The following TECPR1 variants were observed in gnomAD, a reference collection of about 807,000 sequenced individuals.
The protein encoded by TECPR1 is tectonin beta-propeller repeat containing 1, also known as tectonin beta-propeller repeat-containing protein 1.
TECPR1 carries 122 observed loss-of-function variants against 162.4 expected under a neutral mutation model. The ratio of observed to expected loss-of-function variants is 0.75; its 90% confidence interval spans 0.65 to 0.87. The LOEUF (loss-of-function observed/expected upper bound fraction) is 0.87, where lower values mean the gene tolerates loss of function less well. Among genes scored for constraint, TECPR1 ranks in the 40% least tolerant of loss-of-function variants. The pLI, the probability that TECPR1 is intolerant of heterozygous loss-of-function variation, is 0.00. For synonymous variants in TECPR1, 642 were observed against 670.6 expected (o/e 0.96, Z 0.66); for missense variants, 1,432 against 1,618.2 (o/e 0.88, Z 1.97).
Position 98,241,305 on chromosome 7 carries a change from G to A in TECPR1, c.658-61C>T, listed in dbSNP as rs1306658507. On this transcript the variant is annotated intron_variant, in intron 6 of 25. Transcript: ENST00000447648. This position sits in a 1 kb window ranked among gnomAD's most constrained non-coding sequence, Gnocchi z 5.0. ...ACTCATTCACACCAGCCAAGCACGG[G>A]GGTCTCGGTGTGGTAGGGGGTAGGA... 1 of 1,592,104 alleles carries A rather than the reference G, an allele frequency of 6.3e-7. No individual in the cohort carries two copies. Among genetic ancestry groups the A allele is most frequent in the South Asian group, 1.1e-5 (1 of 89,080 alleles).
intron 19 of TECPR1, among the ~76,000 whole-genome samples, chr7:98,224,046 G>A (rs1798214246): frequency 6.6e-6 from 1 of 152,248 alleles, no homozygotes; most frequent in Admixed American, 6.5e-5. Flanking sequence ...TCAGGGGTCA[G>A]GCTAAGGGGA....
chr7:98,238,020 C>T (rs1798644252), intron 9 of TECPR1, among the ~76,000 whole-genome samples: 1 of 152,106 alleles, frequency 6.6e-6, no homozygotes, highest in Admixed American at 6.5e-5. Flanking sequence ...GGTCCTCCCA[C>T]CTTAGCCTCC....
intron 8 of TECPR1, among the ~76,000 whole-genome samples, chr7:98,238,897 T>C (rs1367454329): frequency 1.3e-5 from 2 of 152,212 alleles, no homozygotes; most frequent in African/African-American, 4.8e-5. Context: ...AGCCTAACGC[T>C]TGGAAAAGGC....
At position 98,215,751 on chromosome 7, in the gene TECPR1, G is replaced by C. The variant is rs995908739; in HGVS notation, c.*1639C>G. ...AAAACCTGATAGTGAAATGTAAACA[G>C]ACAGGACAGGGTGGTTCCAGGTGGC... On this transcript the variant is annotated 3_prime_UTR_variant, in exon 26 of 26. Transcript: ENST00000447648. 8 of 152,260 alleles carry C rather than the reference G, an allele frequency of 5.3e-5. No individual in the cohort carries two copies. Among genetic ancestry groups the C allele is most frequent in the African/African-American group, 1.9e-4 (8 of 41,446 alleles). 9.4% of individuals were successfully genotyped at this position (152,260 alleles called of 1,614,324 possible).
In TECPR1 at chr7:98,223,548, G is replaced by C; in HGVS notation, c.2747+114C>G. ...CTACTCCCCACTGCTTCTTCCCTTG[G>C]GACTGAGGTCAGAGGCCAGGAGATC... is the stretch of plus-strand genomic sequence containing the variant. On this transcript the variant is annotated intron_variant, in intron 20 of 25. Coordinates refer to ENST00000447648, the MANE Select transcript of TECPR1 (RefSeq NM_015395.3). The C allele has an allele frequency of 4.5e-6, 5 of 1,119,192 alleles. No homozygotes were observed. The South Asian group carries it at 7.0e-5, about 16-fold the overall frequency. 69.3% of individuals were successfully genotyped at this position (1,119,192 alleles called of 1,614,324 possible). A position where few individuals can be genotyped will look rare whatever the true frequency, so the allele number is the denominator to read the frequency against.
In TECPR1 at chr7:98,232,920, G is replaced by T. The variant is rs764522984; in HGVS notation, c.1725C>A (p.Thr575=). 1 of 1,612,812 alleles carries T rather than the reference G, an allele frequency of 6.2e-7. No homozygotes were observed. The highest frequency in any genetic ancestry group is 8.5e-7 in the Non-Finnish European group (1 of 1,179,800). The change falls in exon 12 of 26, where the codon ACC becomes ACA. Residue 575 remains threonine (T), a synonymous_variant. Coordinates refer to ENST00000447648, the MANE Select transcript of TECPR1 (RefSeq NM_015395.3). The surrounding 1 kb of genome is among the most constrained non-coding windows in gnomAD (Gnocchi z 4.6). ...MLSLSITPAQ[T]AAWRKQIFQQ... is the part of the protein sequence containing the mutation. Reference sequence around the variant, plus strand: ...GGAAGATCTGCTTCCTCCAGGCAGCGGTCTGGGCCGGCGTGATGGACAGGG... The same window carrying T: ...GGAAGATCTGCTTCCTCCAGGCAGCTGTCTGGGCCGGCGTGATGGACAGGG...
At chr7:98,237,934 G>A (rs1006954613) in intron 9 of TECPR1, among the ~76,000 whole-genome samples, 10 of 152,018 alleles carry the variant, frequency 6.6e-5, no homozygotes, top group South Asian at 6.2e-4. Flanking sequence ...CACCACACTT[G>A]GCTAATTTTT....
intron 21 of TECPR1, 172 bp from the exon 22 acceptor site, chr7:98,222,693 C>T (rs934201624): frequency 8.6e-5 from 77 of 896,966 alleles, no homozygotes; most frequent in African/African-American, 4.7e-4. Context: ...AAATCCTGGG[C>T]GCATCTCATC....
chr7:98,238,571 CG>C lies in TECPR1; in HGVS notation c.972del (p.Cys324TrpfsTer12). On this transcript the variant is annotated frameshift_variant, in exon 9 of 26. Coordinates refer to ENST00000447648, the MANE Select transcript of TECPR1 (RefSeq NM_015395.3). LOFTEE classifies it high-confidence loss of function. ...FRRGVNSHNPCGTSWIEMVGE... is the reference protein window; with the variant it reads ...FRRGVNSHNPXGTSWIEMVGE... ...CCAACCATCTCAATCCAACTGGTGC[CG>C]CAGGGATTGTGAGAGTTGACGCCTC... The C allele has an allele frequency of 1.3e-6, 2 of 1,574,438 alleles. No homozygotes were observed. Among genetic ancestry groups the C allele is most frequent in the Admixed American group, 1.9e-5 (1 of 53,962 alleles).
At chr7:98,226,488 G>A in intron 17 of TECPR1, 1 of 1,020,950 alleles carries the variant, frequency 9.8e-7, no homozygotes, top group Non-Finnish European at 1.2e-6. Flanking sequence ...GCCTGGCCTT[G>A]TCTGCCCCCA....
chr7:98,219,823 C>T (rs934479861), intron 23 of TECPR1, among the ~76,000 whole-genome samples: 1 of 151,870 alleles, frequency 6.6e-6, no homozygotes, highest in Non-Finnish European at 1.5e-5. Context: ...ATCGCTTGAA[C>T]CTGGGAGGCA....
chr7:98,233,148 C>A (rs1189726091), intron 11 of TECPR1, 176 bp from the exon 12 acceptor site: 2 of 848,764 alleles, frequency 2.4e-6, no homozygotes, highest in Non-Finnish European at 3.4e-6. Flanking sequence ...AGTAATTCAG[C>A]CTGGAAAGCA....
intron 2 of TECPR1, among the ~76,000 whole-genome samples, chr7:98,246,927 C>T (rs1298405171): frequency 6.6e-6 from 1 of 151,614 alleles, no homozygotes; most frequent in Non-Finnish European, 1.5e-5. Context: ...CACTTGAGGC[C>T]AGGAGTTCAA....
At chr7:98,218,262 TCGGGG>T (rs1397425035) in intron 23 of TECPR1, among the ~76,000 whole-genome samples, 67 of 152,142 alleles carry the variant, frequency 4.4e-4, no homozygotes, top group Middle Eastern at 6.8e-3. Flanking sequence ...TTCTGCACAC[TCGGGG>T]CGTCCCCCGA....
At chr7:98,250,264 CT>C (rs1562947474) in intron 2 of TECPR1, among the ~76,000 whole-genome samples, 19 of 151,682 alleles carry the variant, frequency 1.3e-4, no homozygotes, top group Admixed American at 1.2e-3. Flanking sequence ...CAATAAAATG[CT>C]AGGGGAAGAC....
At chr7:98,234,347 G>T (rs1798535573) in intron 10 of TECPR1, among the ~76,000 whole-genome samples, 1 of 152,162 alleles carries the variant, frequency 6.6e-6, no homozygotes, top group Non-Finnish European at 1.5e-5. Context: ...TAGAGACGGG[G>T]TTTCACCATG....
chr7:98,243,506 C>T lies in TECPR1; in HGVS notation c.618G>A (p.Val206=). The T allele has an allele frequency of 6.2e-7, 1 of 1,612,666 alleles. No homozygotes were observed. Among genetic ancestry groups the T allele is most frequent in the East Asian group, 2.2e-5 (1 of 44,874 alleles). Residue 206 remains valine, a synonymous_variant, in exon 6 of 26, where the codon GTG becomes GTA. Coordinates refer to ENST00000447648, the MANE Select transcript of TECPR1 (RefSeq NM_015395.3). ...ACACAGCCCACACTGACAGGCGGCCCACAGGCTCCTCCGTGATCTCCCAGC... is the reference window on the plus strand; with the variant it reads ...ACACAGCCCACACTGACAGGCGGCCTACAGGCTCCTCCGTGATCTCCCAGC... ...VGGWEITEEP[V]GRLSVWAVSL...
chr7:98,223,583 G>C, intron 20 of TECPR1, 79 bp downstream of exon 20: 1 of 1,497,808 alleles, frequency 6.7e-7, no homozygotes, highest in Middle Eastern at 1.8e-4. Context: ...CTGGCCCGGG[G>C]TGCAGGGAAC....
At chr7:98,244,323 T>C (rs1333620631) in intron 5 of TECPR1, among the ~76,000 whole-genome samples, 1 of 152,202 alleles carries the variant, frequency 6.6e-6, no homozygotes, top group East Asian at 1.9e-4. Context: ...CAGAGCAGCT[T>C]GGACACCAGG....
Sources: gnomAD v4.1 joint callset for allele counts (sites outside exome capture counted in the v4.1 genomes callset) on GRCh38, gnomAD v4.1.1 for gene constraint, Gnocchi (gnomAD v3.1) non-coding constraint, MANE v1.5 for transcripts, NCBI Gene and HGNC (gene_info 2026-07-23, HGNC 2026-07-21) for gene names.